MFSD6: variants seen among roughly 807,000 people sequenced by gnomAD.
MFSD6 encodes major facilitator superfamily domain-containing protein 6.
In MFSD6, 26 loss-of-function variants were observed where a neutral mutation model predicts 56.3. That is an observed-to-expected ratio of 0.46 (90% CI 0.34 to 0.64). The LOEUF (loss-of-function observed/expected upper bound fraction) is 0.64, where lower values mean the gene tolerates loss of function less well. Among genes scored for constraint, MFSD6 ranks in the 30% least tolerant of loss-of-function variants. MFSD6 has a pLI of 0.01. For missense variants in MFSD6, 750 were observed against 986.2 expected, an observed-to-expected ratio of 0.76 and a Z score of 3.21; for synonymous variants, 331 against 366.9, an observed-to-expected ratio of 0.90 and a Z score of 1.12.
In MFSD6 at chr2:190,437,745, C is replaced by T. The variant is rs2125053077; in HGVS notation, c.1532+184C>T. On this transcript the variant is annotated intron_variant, in intron 3 of 7. Transcript: ENST00000392328. The surrounding 1 kb of genome is among the most constrained non-coding windows in gnomAD (Gnocchi z 5.9). The stretch of plus-strand genomic sequence containing the variant: ...AAACAAAGGAAAGGAAGTCATGAAC[C>T]TGGTTGGATTATCTCAAATAAACAA... Among the ~76,000 whole-genome samples, 1 of 152,218 alleles carries T rather than the reference C, an allele frequency of 6.6e-6. No homozygotes were observed. The highest frequency in any genetic ancestry group is 2.4e-5 in the African/African-American group (1 of 41,526).
intron 3 of MFSD6, among the ~76,000 whole-genome samples, chr2:190,445,091 C>T (rs1686523059): frequency 6.6e-6 from 1 of 152,152 alleles, no homozygotes; most frequent in African/African-American, 2.4e-5. Flanking sequence ...GCCTGGCTTC[C>T]ATCCTGCTTG....
At position 190,434,762 on chromosome 2, in the gene MFSD6, CATCTT is replaced by C. The variant is rs906444004; in HGVS notation, c.-53-1210_-53-1206del. ...ACTGTTTTTCAAAAAAGTTTACTGG[CATCTT>C]ATCTAAAATGTGTTATTTTTCAGTT... is the stretch of plus-strand genomic sequence containing the variant. On this transcript the variant is annotated intron_variant, in intron 2 of 7. Coordinates refer to ENST00000392328, the MANE Select transcript of MFSD6 (RefSeq NM_017694.4). This position sits in a 1 kb window ranked among gnomAD's most constrained non-coding sequence, Gnocchi z 4.3. Among the ~76,000 whole-genome samples, 2 of 152,150 alleles carry C rather than the reference CATCTT, an allele frequency of 1.3e-5. No homozygotes were observed. Among genetic ancestry groups the C allele is most frequent in the African/African-American group, 4.8e-5 (2 of 41,430 alleles).
rs770259703 is a variant in MFSD6 at position 190,497,460 on chromosome 2, G to T, written c.1913G>T (p.Arg638Ile). 1.9e-6 allele frequency: 3 copies of T among 1,613,802 alleles called. No individual in the cohort carries two copies. In the African/African-American group the frequency reaches 4.0e-5, roughly 22 times the overall value. The change falls in exon 7 of 8, where the codon AGA becomes ATA. Residue 638 changes from arginine to isoleucine, a missense_variant. Transcript: ENST00000392328. The surrounding 1 kb of genome is among the most constrained non-coding windows in gnomAD (Gnocchi z 5.2). ...EEEDKTMLAE[R>I]IPVPSSPVPI... ...CCAGACAAGACAATGTTGGCAGAAA[G>T]AATTCCTGTTCCCTCCAGTCCCGTT...
intron 4 of MFSD6, among the ~76,000 whole-genome samples, chr2:190,486,665 CT>C (rs1689027429): frequency 1.3e-5 from 2 of 152,154 alleles, no homozygotes; most frequent in African/African-American, 4.8e-5. Context: ...AATTTAGTCC[CT>C]GTTATTCCAT....
In MFSD6 at chr2:190,500,144, G is replaced by A. The variant is rs749919012; in HGVS notation, c.2302G>A (p.Ala768Thr). The change falls in exon 8 of 8, where the codon GCT becomes ACT. Residue 768 changes from alanine (A) to threonine (T), a missense_variant. Transcript: ENST00000392328. This position sits in a 1 kb window ranked among gnomAD's most constrained non-coding sequence, Gnocchi z 5.3. ...AAASQTQTSP[A>T]HPSVDPCTEE... Reference sequence around the variant, plus strand: ...AGCATCTCAGACGCAGACCAGCCCCGCTCACCCCAGTGTGGACCCGTGCAC... The same window carrying A: ...AGCATCTCAGACGCAGACCAGCCCCACTCACCCCAGTGTGGACCCGTGCAC... The A allele has an allele frequency of 1.2e-5, 19 of 1,613,792 alleles. No homozygotes were observed. Among genetic ancestry groups the A allele is most frequent in the African/African-American group, 5.3e-5 (4 of 74,824 alleles).
Position 190,498,498 on chromosome 2 carries a change from GTTAA to G in MFSD6, c.2172+785_2172+788del, listed in dbSNP as rs1689836502. ...CCCCTTTCAGAAAATTTGTTGAACTGTTAATTAATCTCACTTTGTAAGCTAACAT... is the reference window on the plus strand; with the variant it reads ...CCCCTTTCAGAAAATTTGTTGAACTGTTAATCTCACTTTGTAAGCTAACAT... On this transcript the variant is annotated intron_variant, in intron 7 of 7. Transcript: ENST00000392328. This position sits in a 1 kb window ranked among gnomAD's most constrained non-coding sequence, Gnocchi z 5.9. Among the ~76,000 whole-genome samples, 1 of 152,146 alleles carries G rather than the reference GTTAA, an allele frequency of 6.6e-6. No homozygotes were observed. Among genetic ancestry groups the G allele is most frequent in the South Asian group, 2.1e-4 (1 of 4,830 alleles).
chr2:190,454,329 T>C lies in MFSD6; in HGVS notation c.1533-15429T>C, dbSNP rs1686899701. 1 of 152,082 alleles carries C rather than the reference T, an allele frequency of 6.6e-6. No homozygotes were observed. The highest frequency in any genetic ancestry group is 2.4e-5 in the African/African-American group (1 of 41,416). The allele number at this position is 152,082 out of a possible 1,614,324, so 9.4% of individuals were successfully genotyped here. On this transcript the variant is annotated intron_variant, in intron 3 of 7. Transcript: ENST00000392328. The surrounding 1 kb of genome is among the most constrained non-coding windows in gnomAD (Gnocchi z 4.6). ...GTATTAAAGATAGAGATAAGAAGCATTTTTCTATGGACTGAATGGTGTCCC... is the reference window on the plus strand; with the variant it reads ...GTATTAAAGATAGAGATAAGAAGCACTTTTCTATGGACTGAATGGTGTCCC...
chr2:190,446,863 T>C (rs1168591192), intron 3 of MFSD6, among the ~76,000 whole-genome samples: 1 of 152,224 alleles, frequency 6.6e-6, no homozygotes, highest in Non-Finnish European at 1.5e-5. Context: ...AAGACTGTAC[T>C]GATTCTATTT....
chr2:190,457,072 C>T lies in MFSD6; in HGVS notation c.1533-12686C>T, dbSNP rs1687080339. Among the ~76,000 whole-genome samples, 1 of 152,208 alleles carries T rather than the reference C, an allele frequency of 6.6e-6. No individual in the cohort carries two copies. The highest frequency in any genetic ancestry group is 1.5e-5 in the Non-Finnish European group (1 of 68,042). ...CAGAAGTCTATCTACACTAACACTG[C>T]TAGTCCGTTTCTTATGGTCCAATCC... is the stretch of plus-strand genomic sequence containing the variant. On this transcript the variant is annotated intron_variant, in intron 3 of 7. Transcript: ENST00000392328. The surrounding 1 kb of genome is among the most constrained non-coding windows in gnomAD (Gnocchi z 5.1).
rs183595018 is a variant in MFSD6 at position 190,465,728 on chromosome 2, C to T, written c.1533-4030C>T. Among the ~76,000 whole-genome samples the T allele has an allele frequency of 3.7e-3, 562 of 152,234 alleles. 4 individuals are homozygous for T. The highest frequency in any genetic ancestry group is 6.8e-3 in the Middle Eastern group (2 of 294). ...AAGTTTATGGCCGGGCGTGGTGGCT[C>T]ACGCCTATAATCCCAGCACTTTGGG... On this transcript the variant is annotated intron_variant, in intron 3 of 7. Transcript: ENST00000392328. This position sits in a 1 kb window ranked among gnomAD's most constrained non-coding sequence, Gnocchi z 4.6.
chr2:190,475,616 C>T (rs1206668416), intron 4 of MFSD6, among the ~76,000 whole-genome samples: 14 of 152,070 alleles, frequency 9.2e-5, no homozygotes, highest in Admixed American at 2.0e-4. Flanking sequence ...GAATCAATAT[C>T]GTGAAAATGG....
intron 4 of MFSD6, among the ~76,000 whole-genome samples, chr2:190,472,462 T>C (rs1267559617): frequency 6.6e-6 from 1 of 152,218 alleles, no homozygotes; most frequent in African/African-American, 2.4e-5. Flanking sequence ...GTAGCTGATT[T>C]GATCATCTGG....
rs1478635109 is a variant in MFSD6 at position 190,417,656 on chromosome 2, T to G, written c.-54+2243T>G. Reference sequence around the variant, plus strand: ...CTGGTATTCAAGGCCCTGTGCCATCTGTTGCTGTCTGGGTGGCCTCATGTG... The same window carrying G: ...CTGGTATTCAAGGCCCTGTGCCATCGGTTGCTGTCTGGGTGGCCTCATGTG... On this transcript the variant is annotated intron_variant, in intron 2 of 7. Coordinates refer to ENST00000392328, the MANE Select transcript of MFSD6 (RefSeq NM_017694.4). The surrounding 1 kb of genome is among the most constrained non-coding windows in gnomAD (Gnocchi z 5.7). Among the ~76,000 whole-genome samples, 1 of 152,210 alleles carries G rather than the reference T, an allele frequency of 6.6e-6. No individual in the cohort carries two copies. Among genetic ancestry groups the G allele is most frequent in the African/African-American group, 2.4e-5 (1 of 41,444 alleles).
chr2:190,477,432 C>G (rs947103727), intron 4 of MFSD6: 36 of 882,124 alleles, frequency 4.1e-5, no homozygotes, highest in Admixed American at 1.2e-4. Context: ...ATGCATATAA[C>G]TTTTTTATCC....
chr2:190,413,251 C>A lies in MFSD6; in HGVS notation c.-175-2041C>A, dbSNP rs954653583. ...GTGAGAGTTCTGTATTACCTTGTGA[C>A]CTGGTGGTCCTGCTGCATTTTAGGA... On this transcript the variant is annotated intron_variant, in intron 1 of 7. Transcript: ENST00000392328. The surrounding 1 kb of genome is among the most constrained non-coding windows in gnomAD (Gnocchi z 4.1). 4.6e-5 allele frequency among the ~76,000 whole-genome samples: 7 copies of A among 151,950 alleles called. No homozygotes were observed. Among genetic ancestry groups the A allele is most frequent in the Non-Finnish European group, 8.8e-5 (6 of 67,998 alleles).
At chr2:190,440,322 T>C (rs1056898737) in intron 3 of MFSD6, among the ~76,000 whole-genome samples, 12 of 152,212 alleles carry the variant, frequency 7.9e-5, no homozygotes, top group African/African-American at 2.9e-4. Context: ...CACACACACA[T>C]AGAGTATCTG....
rs1180607729 is a variant in MFSD6 at position 190,426,778 on chromosome 2, C to T, written c.-53-9199C>T. Reference sequence around the variant, plus strand: ...GAGATCTTCCTGGTTCTTGGTGTGACGAATGATTTTTTATTGAAAGCAAGA... The same window carrying T: ...GAGATCTTCCTGGTTCTTGGTGTGATGAATGATTTTTTATTGAAAGCAAGA... On this transcript the variant is annotated intron_variant, in intron 2 of 7. Transcript: ENST00000392328. This position sits in a 1 kb window ranked among gnomAD's most constrained non-coding sequence, Gnocchi z 4.7. Among the ~76,000 whole-genome samples, 3 of 152,082 alleles carry T rather than the reference C, an allele frequency of 2.0e-5. No homozygotes were observed. Among genetic ancestry groups the T allele is most frequent in the East Asian group, 1.9e-4 (1 of 5,202 alleles).
chr2:190,433,072 G>A lies in MFSD6; in HGVS notation c.-53-2905G>A, dbSNP rs1035575239. Among the ~76,000 whole-genome samples the A allele has an allele frequency of 2.6e-5, 4 of 152,020 alleles. No homozygotes were observed. The highest frequency in any genetic ancestry group is 4.4e-5 in the Non-Finnish European group (3 of 68,008). ...CGTAATTTTATTTTATTGCTATTAT[G>A]TGCCCTTTAATCTTTCTAGCTTGAA... On this transcript the variant is annotated intron_variant, in intron 2 of 7. Transcript: ENST00000392328. This position sits in a 1 kb window ranked among gnomAD's most constrained non-coding sequence, Gnocchi z 4.5.
chr2:190,421,187 T>G (rs1483582005), intron 2 of MFSD6, among the ~76,000 whole-genome samples: 1 of 152,198 alleles, frequency 6.6e-6, no homozygotes, highest in Non-Finnish European at 1.5e-5. Context: ...CTTGGACAAT[T>G]CAGGAAATTA....
Sources: gnomAD v4.1 joint callset for allele counts (sites outside exome capture counted in the v4.1 genomes callset) on GRCh38, gnomAD v4.1.1 for gene constraint, Gnocchi (gnomAD v3.1) non-coding constraint, MANE v1.5 for transcripts, NCBI Gene and HGNC (gene_info 2026-07-23, HGNC 2026-07-21) for gene names.